The following PLOD2 variants were observed in gnomAD, a reference collection of about 807,000 sequenced individuals.
The protein encoded by PLOD2 is lysine hydroxylase 2.
Under a neutral mutation model 101.0 loss-of-function variants are expected in PLOD2, and 65 were observed. The observed-to-expected ratio is 0.64, with a 90% confidence interval of 0.53 to 0.79. PLOD2 has a LOEUF of 0.79. Ranked by LOEUF, PLOD2 falls within the 30% of genes least tolerant of loss-of-function variation. PLOD2 has a pLI of 0.00. For missense variants in PLOD2, 909 were observed against 914.6 expected, an observed-to-expected ratio of 0.99 and a Z score of 0.08; for synonymous variants, 314 against 302.9, an observed-to-expected ratio of 1.04 and a Z score of -0.38.
rs6148118 is a variant in PLOD2, at chr3:146,076,538, T to TGCTAAACTAATTTA, written c.1677+243_1677+244insTAAATTAGTTTAGC. On this transcript the variant is annotated intron_variant, in intron 15 of 19. Transcript: ENST00000282903. ...GAAATCTTCAAACTGCTTTCCAAAT[T>TGCTAAACTAATTTA]CATTCCGACCAACAACGTACAAGCA... 279,300 of 286,790 alleles carry TGCTAAACTAATTTA rather than the reference T, an allele frequency of 0.97. 136,258 individuals carry two copies. The highest frequency in any genetic ancestry group is 0.99 in the Non-Finnish European group (152,366 of 153,452). 17.8% of individuals were successfully genotyped at this position (286,790 alleles called of 1,614,324 possible).
At chr3:146,148,477 C>T (rs2031902521) in intron 1 of PLOD2, among the ~76,000 whole-genome samples, 1 of 151,902 alleles carries the variant, frequency 6.6e-6, no homozygotes, top group Non-Finnish European at 1.5e-5. Flanking sequence ...AAAATGACTT[C>T]AAAGTTTTGA....
chr3:146,123,793 G>A (rs1434941468), intron 2 of PLOD2, among the ~76,000 whole-genome samples: 2 of 151,770 alleles, frequency 1.3e-5, no homozygotes, highest in Non-Finnish European at 1.5e-5. Flanking sequence ...CAAAGCATTG[G>A]CAAAAATTCA....
At chr3:146,082,069 A>G (rs1936563346) in intron 11 of PLOD2, among the ~76,000 whole-genome samples, 1 of 152,188 alleles carries the variant, frequency 6.6e-6, no homozygotes, top group African/African-American at 2.4e-5. Context: ...TTTCAATCAT[A>G]TTTCTTAAAA....
rs182613521 is a variant in PLOD2, at chr3:146,098,195, A to G, written c.777+4560T>C. 8.2e-3 allele frequency among the ~76,000 whole-genome samples: 1,253 copies of G among 152,344 alleles called. 21 individuals carry two copies. The highest frequency in any genetic ancestry group is 0.029 in the African/African-American group (1,198 of 41,578). On this transcript the variant is annotated intron_variant, in intron 7 of 19. Coordinates refer to ENST00000282903, the MANE Select transcript of PLOD2 (RefSeq NM_182943.3). Reference sequence around the variant, plus strand: ...TACAACAAACCTGCACGTTCAGCACATGTATCCAAGAACTTAAAGTAAAAT... The same window carrying G: ...TACAACAAACCTGCACGTTCAGCACGTGTATCCAAGAACTTAAAGTAAAAT...
At chr3:146,081,521 T>A (rs1487467232) in intron 12 of PLOD2, among the ~76,000 whole-genome samples, 1 of 152,126 alleles carries the variant, frequency 6.6e-6, no homozygotes, top group African/African-American at 2.4e-5. Flanking sequence ...CCCACAGCAA[T>A]GAGCTTGTTC....
At chr3:146,081,992 T>C (rs1936558835) in intron 11 of PLOD2, 129 bp from the exon 12 acceptor site, 2 of 594,268 alleles carry the variant, frequency 3.4e-6, no homozygotes, top group Non-Finnish European at 5.4e-6. Flanking sequence ...AACAAACCTG[T>C]AGTTAATAAA....
intron 12 of PLOD2, among the ~76,000 whole-genome samples, chr3:146,079,685 A>G (rs961507773): frequency 1.3e-5 from 2 of 151,976 alleles, no homozygotes; most frequent in African/African-American, 4.8e-5. Flanking sequence ...TGCCAAGTCC[A>G]TGTTCAGTAA....
At chr3:146,078,672 T>A (rs959033957) in intron 13 of PLOD2, among the ~76,000 whole-genome samples, 2 of 151,872 alleles carry the variant, frequency 1.3e-5, no homozygotes, top group African/African-American at 4.8e-5. Flanking sequence ...AAGTTAATAA[T>A]AATTTTAAAA....
chr3:146,140,581 T>C (rs978511293), intron 1 of PLOD2, among the ~76,000 whole-genome samples: 7 of 152,116 alleles, frequency 4.6e-5, no homozygotes, highest in African/African-American at 7.2e-5. Flanking sequence ...GTGTGCTTTT[T>C]CAGAAATACA....
chr3:146,094,184 T>C (rs992083851), intron 7 of PLOD2, among the ~76,000 whole-genome samples: 2 of 152,254 alleles, frequency 1.3e-5, no homozygotes, highest in African/African-American at 4.8e-5. Flanking sequence ...AAGTATGATG[T>C]CATTTTCATT....
At chr3:146,126,463 C>A (rs1388273081) in intron 1 of PLOD2, among the ~76,000 whole-genome samples, 2 of 152,010 alleles carry the variant, frequency 1.3e-5, no homozygotes, top group African/African-American at 4.8e-5. Context: ...GTAACCTAAA[C>A]TGGATACGTA....
intron 1 of PLOD2, among the ~76,000 whole-genome samples, chr3:146,150,309 ACTATT>A (rs2031993780): frequency 6.6e-6 from 1 of 152,204 alleles, no homozygotes. Flanking sequence ...TATTCTGATG[ACTATT>A]TATGTAACAA....
intron 8 of PLOD2, 72 bp from the exon 9 acceptor site, chr3:146,088,783 T>A: frequency 8.1e-7 from 1 of 1,233,234 alleles, no homozygotes; most frequent in Non-Finnish European, 1.2e-6. Context: ...ATTCAAATGT[T>A]AATCAGCATG....
intron 4 of PLOD2, among the ~76,000 whole-genome samples, chr3:146,110,064 G>C (rs765417692): frequency 1.3e-5 from 2 of 151,974 alleles, no homozygotes; most frequent in Non-Finnish European, 2.9e-5. Context: ...TGAAAAACAT[G>C]AGTTTCCTCA....
At chr3:146,120,406 G>T (rs1242741260) in intron 3 of PLOD2, among the ~76,000 whole-genome samples, 2 of 151,924 alleles carry the variant, frequency 1.3e-5, no homozygotes, top group African/African-American at 4.8e-5. Flanking sequence ...TGGGAAAACT[G>T]GCTAGCCATA....
At chr3:146,076,401 G>A (rs915580779) in intron 15 of PLOD2, 3 of 172,602 alleles carry the variant, frequency 1.7e-5, no homozygotes, top group South Asian at 1.4e-4. Context: ...GTGCTGCAAC[G>A]AACAGATACA....
At chr3:146,083,605 G>A (rs71300375) in intron 11 of PLOD2, among the ~76,000 whole-genome samples, 3,763 of 134,968 alleles carry the variant, frequency 0.028, 98 homozygotes, top group Non-Finnish European at 0.037. Context: ...TTTTTGAGAC[G>A]GAGTCTCGCT....
At chr3:146,084,228 T>C (rs981631994) in intron 11 of PLOD2, among the ~76,000 whole-genome samples, 6 of 152,102 alleles carry the variant, frequency 3.9e-5, no homozygotes, top group African/African-American at 1.2e-4. Flanking sequence ...GAAAATTACC[T>C]ACGATGTATA....
intron 6 of PLOD2, among the ~76,000 whole-genome samples, chr3:146,103,844 C>T (rs1937479497): frequency 6.7e-6 from 1 of 150,034 alleles, no homozygotes; most frequent in Non-Finnish European, 1.5e-5. Flanking sequence ...CACACACACA[C>T]ACACACACAC....
Sources: allele counts gnomAD v4.1 joint callset (sites outside exome capture counted in the v4.1 genomes callset), GRCh38; gene constraint gnomAD v4.1.1; transcripts MANE v1.5; gene names NCBI Gene and HGNC (gene_info 2026-07-23, HGNC 2026-07-21).